Variants in NRXN1 observed in about 807,000 individuals in gnomAD.
NRXN1 encodes the protein neurexin 1, also known as neurexin-1.
In NRXN1, 39 loss-of-function variants were observed where a neutral mutation model predicts 150.9. The ratio of observed to expected loss-of-function variants is 0.26; its 90% confidence interval spans 0.20 to 0.34. The LOEUF (loss-of-function observed/expected upper bound fraction) is 0.34, where lower values mean the gene tolerates loss of function less well. Among genes scored for constraint, NRXN1 ranks in the 10% least tolerant of loss-of-function variants. The pLI is 1.00. For synonymous variants in NRXN1, 924 were observed against 757.0 expected, an observed-to-expected ratio of 1.22 and a Z score of -3.62; for missense variants, 1,815 against 1,949.9, an observed-to-expected ratio of 0.93 and a Z score of 1.30.
chr2:50,652,657 A>T (rs1685816250), intron 5 of NRXN1, among the ~76,000 whole-genome samples: 1 of 152,066 alleles, frequency 6.6e-6, no homozygotes, highest in Non-Finnish European at 1.5e-5. Flanking sequence ...TGCTGTGAAC[A>T]TCTGTGAACG....
intron 18 of NRXN1, among the ~76,000 whole-genome samples, chr2:50,106,750 AC>A (rs1227088608): frequency 6.6e-6 from 1 of 151,978 alleles, no homozygotes; most frequent in South Asian, 2.1e-4. Context: ...TGCAAAAAAA[AC>A]CCTAAAAGAA....
chr2:50,592,051 T>C (rs1233846710), intron 8 of NRXN1, among the ~76,000 whole-genome samples: 1 of 152,192 alleles, frequency 6.6e-6, no homozygotes, highest in Non-Finnish European at 1.5e-5. Flanking sequence ...AAGAATAACC[T>C]CTACAGCTTG....
chr2:50,484,183 C>G (rs1421981069), intron 15 of NRXN1, among the ~76,000 whole-genome samples: 1 of 152,202 alleles, frequency 6.6e-6, no homozygotes, highest in Non-Finnish European at 1.5e-5. Context: ...AACTTACAGA[C>G]ATTGCCAAAG....
intron 19 of NRXN1, among the ~76,000 whole-genome samples, chr2:50,069,432 T>C (rs1382358339): frequency 6.6e-6 from 1 of 152,148 alleles, no homozygotes; most frequent in African/African-American, 2.4e-5. Flanking sequence ...TAAAACATGG[T>C]GATTGTGGAT....
At chr2:50,563,342 A>G (rs1669387037) in intron 8 of NRXN1, among the ~76,000 whole-genome samples, 1 of 152,370 alleles carries the variant, frequency 6.6e-6, no homozygotes, top group East Asian at 1.9e-4. Context: ...TGCCACAACA[A>G]TAATTTATTA....
At position 50,513,685 on chromosome 2, in the gene NRXN1, A is replaced by G. The variant is rs1467851882; in HGVS notation, c.2375-7068T>C. On this transcript the variant is annotated intron_variant, in intron 12 of 22. Transcript: ENST00000401669. ...TGAATGTGGAGGGAAAATATAGTGA[A>G]GAGAAATAGAGAAGAATAAAACAAA... Among the ~76,000 whole-genome samples, 3 of 152,276 alleles carry G rather than the reference A, an allele frequency of 2.0e-5. No individual in the cohort carries two copies. In the East Asian group the frequency reaches 5.8e-4, roughly 29 times the overall value.
intron 5 of NRXN1, among the ~76,000 whole-genome samples, chr2:50,742,994 G>T (rs543257883): frequency 6.6e-6 from 1 of 152,326 alleles, no homozygotes; most frequent in Admixed American, 6.5e-5. Context: ...AGAACTTGCT[G>T]TAGCACATGT....
chr2:50,921,697 G>T (rs1428265901), intron 5 of NRXN1, among the ~76,000 whole-genome samples, 172 bp downstream of exon 5: 1 of 151,618 alleles, frequency 6.6e-6, no homozygotes, highest in Non-Finnish European at 1.5e-5. Flanking sequence ...GGGCGAAAAT[G>T]GAAACATATT....
chr2:49,957,248 G>A lies in NRXN1; in HGVS notation c.4129-13457C>T, dbSNP rs151286499. Among the ~76,000 whole-genome samples the A allele has an allele frequency of 2.4e-3, 366 of 152,152 alleles. 2 individuals are homozygous for A. Among genetic ancestry groups the A allele is most frequent in the Non-Finnish European group, 3.2e-3 (217 of 67,982 alleles). On this transcript the variant is annotated intron_variant, in intron 21 of 22. Coordinates refer to ENST00000401669, the MANE Select transcript of NRXN1 (RefSeq NM_001330078.2). ...GGATTTCTTTCGATGTAAAAGTGAA[G>A]TTATTTACACCTATTTTGCATGAGT...
intron 17 of NRXN1, among the ~76,000 whole-genome samples, chr2:50,319,710 C>T (rs2075871733): frequency 6.6e-6 from 1 of 152,040 alleles, no homozygotes; most frequent in African/African-American, 2.4e-5. Flanking sequence ...CAGACAGTGG[C>T]AGACAGTGGC....
chr2:50,661,719 A>T (rs529697973), intron 5 of NRXN1, among the ~76,000 whole-genome samples: 7 of 152,174 alleles, frequency 4.6e-5, no homozygotes, highest in African/African-American at 1.7e-4. Context: ...AAATAACTTT[A>T]CTTTTTCATG....
At position 50,347,300 on chromosome 2, in the gene NRXN1, G is replaced by C; in HGVS notation, c.3365-110330C>G. 7.8e-7 allele frequency: 1 copy of C among 1,274,062 alleles called. No individual in the cohort carries two copies. Among genetic ancestry groups the C allele is most frequent in the Non-Finnish European group, 1.0e-6 (1 of 983,410 alleles). 78.9% of individuals were successfully genotyped at this position (1,274,062 alleles called of 1,614,324 possible). A position where few individuals can be genotyped will look rare whatever the true frequency, so the allele number is the denominator to read the frequency against. Reference sequence around the variant, plus strand: ...CCCAAAGAGTTTCGGGCGAGAGTGCGTGCCGGCGGGTGGGGGGCCGAGAAA... The same window carrying C: ...CCCAAAGAGTTTCGGGCGAGAGTGCCTGCCGGCGGGTGGGGGGCCGAGAAA... On this transcript the variant is annotated intron_variant, in intron 17 of 22. Transcript: ENST00000401669. This position sits in a 1 kb window ranked among gnomAD's most constrained non-coding sequence, Gnocchi z 4.9.
At chr2:50,039,967 T>TA (rs994841246) in intron 21 of NRXN1, among the ~76,000 whole-genome samples, 14 of 152,046 alleles carry the variant, frequency 9.2e-5, no homozygotes, top group African/African-American at 2.9e-4. Context: ...ATTTAACTCA[T>TA]AAAAAAAGAA....
Position 50,055,045 on chromosome 2 carries a change from CT to C in NRXN1, c.3719-2del. On this transcript the variant is annotated splice_acceptor_variant, in intron 19 of 22. Coordinates refer to ENST00000401669, the MANE Select transcript of NRXN1 (RefSeq NM_001330078.2). LOFTEE classifies it high-confidence loss of function. ...GCCAGGCGCTCGTTATCATTGTTTC[CT>C]TTAAAGTTTAAAGAGACATTTCATT... is the stretch of plus-strand genomic sequence containing the variant. 6.3e-7 allele frequency: 1 copy of C among 1,587,664 alleles called. No homozygotes were observed. Among genetic ancestry groups the C allele is most frequent in the Middle Eastern group, 1.7e-4 (1 of 5,996 alleles).
intron 18 of NRXN1, among the ~76,000 whole-genome samples, chr2:50,115,637 G>A (rs1420222762): frequency 1.3e-5 from 2 of 151,920 alleles, no homozygotes; most frequent in East Asian, 1.9e-4. Flanking sequence ...TATACTTCCA[G>A]TCTTGGGAAA....
chr2:50,462,001 A>C (rs113468559), intron 17 of NRXN1, among the ~76,000 whole-genome samples: 1 of 151,960 alleles, frequency 6.6e-6, no homozygotes, highest in Admixed American at 6.6e-5. Flanking sequence ...TCTGCAACAG[A>C]TAAGTATGAA....
intron 8 of NRXN1, among the ~76,000 whole-genome samples, chr2:50,592,081 C>T (rs1392431798): frequency 1.3e-5 from 2 of 152,220 alleles, no homozygotes; most frequent in African/African-American, 4.8e-5. Flanking sequence ...TACTGTGTGT[C>T]AGTCATCGTG....
chr2:50,475,163 T>C (rs912539767), intron 15 of NRXN1, among the ~76,000 whole-genome samples: 2 of 152,080 alleles, frequency 1.3e-5, no homozygotes, highest in Non-Finnish European at 2.9e-5. Context: ...GAGTGGGGAA[T>C]TGAATGAAGA....
intron 5 of NRXN1, among the ~76,000 whole-genome samples, chr2:50,768,605 C>A (rs1702631101): frequency 6.6e-6 from 1 of 151,790 alleles, no homozygotes; most frequent in Non-Finnish European, 1.5e-5. Flanking sequence ...GTTTCTATTT[C>A]TTTTCTTACA....
Sources: gnomAD v4.1 joint callset for allele counts (sites outside exome capture counted in the v4.1 genomes callset) on GRCh38, gnomAD v4.1.1 for gene constraint, Gnocchi (gnomAD v3.1) non-coding constraint, MANE v1.5 for transcripts, NCBI Gene and HGNC (gene_info 2026-07-23, HGNC 2026-07-21) for gene names.